Variants in MOB3C observed in about 807,000 individuals in gnomAD.
The protein encoded by MOB3C is MOB1, Mps One Binder kinase activator-like 2C.
In MOB3C, 17 loss-of-function variants were observed where a neutral mutation model predicts 19.8. That is an observed-to-expected ratio of 0.86 (90% confidence interval 0.59 to 1.29). The LOEUF (loss-of-function observed/expected upper bound fraction) is 1.29, where lower values mean the gene tolerates loss of function less well. Among genes scored for constraint, MOB3C ranks in the 50% most tolerant of loss-of-function variants. The pLI is 0.00. For synonymous variants in MOB3C, 101 were observed against 119.2 expected (o/e 0.85, Z 0.99); for missense variants, 291 against 301.9 (o/e 0.96, Z 0.27).
intron 1 of MOB3C, chr1:46,613,656 C>T (rs1256575736): frequency 6.6e-6 from 3 of 452,794 alleles, no homozygotes; most frequent in East Asian, 3.6e-5. Flanking sequence ...CTCAGACTTG[C>T]TGTTGGTCAC....
At chr1:46,615,221 C>T in intron 1 of MOB3C, 1 of 630,028 alleles carries the variant, frequency 1.6e-6, no homozygotes, top group Non-Finnish European at 2.7e-6. Flanking sequence ...CATTCAGCAC[C>T]TTGTCCTACC....
intron 1 of MOB3C, chr1:46,614,932 G>A (rs962687880): frequency 2.8e-6 from 4 of 1,449,516 alleles, no homozygotes; most frequent in Non-Finnish European, 9.7e-7. Context: ...GTAGAAACAG[G>A]CCATTCAGCA....
intron 1 of MOB3C, 112 bp from the exon 2 acceptor site, chr1:46,613,483 A>C (rs1675510218): frequency 1.9e-6 from 2 of 1,046,324 alleles, no homozygotes; most frequent in Non-Finnish European, 2.7e-6. Context: ...CAACCTCTGC[A>C]TCCTCTGCCT....
intron 1 of MOB3C, chr1:46,616,298 A>G (rs1186351271): frequency 1.3e-5 from 2 of 152,196 alleles, no homozygotes; most frequent in Non-Finnish European, 2.9e-5. Flanking sequence ...CCCAGAATCC[A>G]TCCTGGGACT....
chr1:46,615,113 G>C, intron 1 of MOB3C: 1 of 1,548,930 alleles, frequency 6.5e-7, no homozygotes, highest in Non-Finnish European at 8.9e-7. Flanking sequence ...TGGGGCAAGT[G>C]CTTCCAAAAT....
intron 1 of MOB3C, chr1:46,616,078 C>T (rs1377692286): frequency 6.6e-6 from 1 of 152,456 alleles, no homozygotes; most frequent in Non-Finnish European, 1.5e-5. Flanking sequence ...CTGCCGTTCC[C>T]CGTCCTAGCC....
intron 1 of MOB3C, chr1:46,615,027 C>G: frequency 6.2e-7 from 1 of 1,612,970 alleles, no homozygotes; most frequent in Non-Finnish European, 8.5e-7. Context: ...CCAAAGAAGT[C>G]CCCAGGGTGG....
chr1:46,612,240 C>T (rs1268810659), intron 2 of MOB3C, among the ~76,000 whole-genome samples: 1 of 152,168 alleles, frequency 6.6e-6, no homozygotes, highest in Non-Finnish European at 1.5e-5. Context: ...CACCAGGGCC[C>T]ACCCAACCAC....
Position 46,612,999 on chromosome 1 carries a change from C to T in MOB3C, c.323G>A (p.Arg108Gln). 3 of 1,612,474 alleles carry T rather than the reference C, an allele frequency of 1.9e-6. No individual in the cohort carries two copies. Among genetic ancestry groups the T allele is most frequent in the East Asian group, 2.2e-5 (1 of 44,836 alleles). ...YRWQDERQYR[R>Q]PAKLSAPRYM... ...GCGCGGCGCAGAGAGCTTGGCGGGC[C>T]GCCGGTACTGGCGCTCGTCCTGCCA... Residue 108 changes from arginine to glutamine, a missense_variant, in exon 2 of 4, where the codon CGG becomes CAG. Transcript: ENST00000319928.
intron 1 of MOB3C, 140 bp from the exon 2 acceptor site, chr1:46,613,511 C>T: frequency 2.5e-6 from 2 of 812,310 alleles, no homozygotes; most frequent in Non-Finnish European, 1.9e-6. Flanking sequence ...AAGTCCTCAG[C>T]CCCTAGGTCC....
intron 2 of MOB3C, among the ~76,000 whole-genome samples, chr1:46,612,657 A>AG (rs1253228296): frequency 2.6e-5 from 3 of 116,788 alleles, no homozygotes; most frequent in Non-Finnish European, 5.4e-5. Flanking sequence ...GTCTCAGAAA[A>AG]GAAAAAAAAA....
Position 46,613,166 on chromosome 1 carries a change from G to T in MOB3C, c.156C>A (p.Pro52=). 6.2e-7 allele frequency: 1 copy of T among 1,614,244 alleles called. No individual in the cohort carries two copies. Among genetic ancestry groups the T allele is most frequent in the African/African-American group, 1.3e-5 (1 of 75,078 alleles). The change falls in exon 2 of 4, where the codon CCC becomes CCA. Residue 52 remains proline (P), a synonymous_variant. Coordinates refer to ENST00000319928, the MANE Select transcript of MOB3C (RefSeq NM_201403.3). The part of the protein sequence containing the change: ...LDLRSVVRLP[P]GENIDDWIAV... ...CGATCCAGTCGTCGATGTTCTCCCCGGGTGGTAGCCTCACCACACTGCGCA... is the reference window on the plus strand; with the variant it reads ...CGATCCAGTCGTCGATGTTCTCCCCTGGTGGTAGCCTCACCACACTGCGCA...
rs1316265166 is a variant in MOB3C, at chr1:46,608,075, G to A, written c.*1580C>T. Reference sequence around the variant, plus strand: ...ACAACCCCAGCCAACCCAAGGGGCAGTGGGACATGTTGGCCTCAGGTTAGA... The same window carrying A: ...ACAACCCCAGCCAACCCAAGGGGCAATGGGACATGTTGGCCTCAGGTTAGA... On this transcript the variant is annotated 3_prime_UTR_variant, in exon 4 of 4. Coordinates refer to ENST00000319928, the MANE Select transcript of MOB3C (RefSeq NM_201403.3). The surrounding 1 kb of genome is among the most constrained non-coding windows in gnomAD (Gnocchi z 4.5). 1 of 152,330 alleles carries A rather than the reference G, an allele frequency of 6.6e-6. No homozygotes were observed. The highest frequency in any genetic ancestry group is 1.5e-5 in the Non-Finnish European group (1 of 68,106). 9.4% of individuals were successfully genotyped at this position (152,330 alleles called of 1,614,324 possible). A position where few individuals can be genotyped will look rare whatever the true frequency, so the allele number is the denominator to read the frequency against.
Position 46,613,359 on chromosome 1 carries a change from A to G in MOB3C, c.-38T>C. ...CTGGGGCTGCTGTCCAGGGGCTCGG[A>G]CCTGAGGATACCCTGCCAGGGACAA... On this transcript the variant is annotated 5_prime_UTR_variant, in exon 2 of 4. Transcript: ENST00000319928. 5.6e-6 allele frequency: 9 copies of G among 1,596,086 alleles called. No homozygotes were observed. Among genetic ancestry groups the G allele is most frequent in the Non-Finnish European group, 7.6e-6 (9 of 1,177,840 alleles).
chr1:46,615,107 G>A (rs1570382586), intron 1 of MOB3C: 2 of 1,573,032 alleles, frequency 1.3e-6, no homozygotes, highest in East Asian at 4.5e-5. Context: ...TCTGCTTGGG[G>A]CAAGTGCTTC....
Position 46,610,038 on chromosome 1 carries a change from C to T in MOB3C, c.585G>A (p.Glu195=). Residue 195 remains glutamate (E), a synonymous_variant, in exon 3 of 4, where the codon GAG becomes GAA. Transcript: ENST00000319928. ...CYKHFYYFIR[E]FSLVDQRELE... Reference sequence around the variant, plus strand: ...GCTCCCGCTGGTCCACCAGACTGAACTCGCGGATGAAGTAGTAGAAGTGCT... The same window carrying T: ...GCTCCCGCTGGTCCACCAGACTGAATTCGCGGATGAAGTAGTAGAAGTGCT... 2 of 1,614,242 alleles carry T rather than the reference C, an allele frequency of 1.2e-6. No homozygotes were observed. Among genetic ancestry groups the T allele is most frequent in the Non-Finnish European group, 8.5e-7 (1 of 1,180,044 alleles).
At chr1:46,615,298 C>A (rs1402479221) in intron 1 of MOB3C, 3 of 537,752 alleles carry the variant, frequency 5.6e-6, no homozygotes, top group Non-Finnish European at 9.9e-6. Flanking sequence ...CCTGAACACG[C>A]CCCCACTCTT....
chr1:46,616,426 G>C (rs567560787), intron 1 of MOB3C: 8 of 152,648 alleles, frequency 5.2e-5, no homozygotes, highest in Non-Finnish European at 1.2e-4. Context: ...CAGCTCCCAG[G>C]GCCAGGAAGG....
intron 2 of MOB3C, among the ~76,000 whole-genome samples, chr1:46,612,614 A>G (rs548463277): frequency 6.7e-6 from 1 of 148,642 alleles, no homozygotes; most frequent in Admixed American, 6.8e-5. Flanking sequence ...CAGTAAGCTG[A>G]GATCTCACCA....
Sources: gnomAD v4.1 joint callset for allele counts (sites outside exome capture counted in the v4.1 genomes callset) on GRCh38, gnomAD v4.1.1 for gene constraint, Gnocchi (gnomAD v3.1) non-coding constraint, MANE v1.5 for transcripts, NCBI Gene and HGNC (gene_info 2026-07-23, HGNC 2026-07-21) for gene names.